ELFN2: variants seen among roughly 807,000 people sequenced by gnomAD.
The protein encoded by ELFN2 is protein phosphatase 1 regulatory subunit 29.
ELFN2 carries 17 observed loss-of-function variants against 45.5 expected under a neutral mutation model. The observed-to-expected ratio is 0.37, with a 90% CI of 0.26 to 0.56. ELFN2 has a LOEUF of 0.56. ELFN2 is among the 20% of genes least tolerant of loss of function. ELFN2 has a pLI of 0.77. For missense variants in ELFN2, 922 were observed against 1,183.2 expected (o/e 0.78, Z 3.24); for synonymous variants, 550 against 551.5 (o/e 1.00, Z 0.04).
At chr22:37,352,682 G>C (rs369074611) in intron 1 of ELFN2, among the ~76,000 whole-genome samples, 2 of 150,734 alleles carry the variant, frequency 1.3e-5, no homozygotes, top group African/African-American at 4.8e-5. Context: ...GCTGGAACAC[G>C]TGTGGTTGTT....
chr22:37,374,130 G>A lies in ELFN2; in HGVS notation c.1405C>T (p.Arg469Cys), dbSNP rs780661723. The A allele has an allele frequency of 1.6e-5, 26 of 1,612,910 alleles. No individual in the cohort carries two copies. The highest frequency in any genetic ancestry group is 3.3e-5 in the South Asian group (3 of 91,084). The change falls in exon 3 of 3, where the codon CGC (arginine) becomes TGC (cysteine). Residue 469 changes from arginine to cysteine, a missense_variant. Arg to Cys is a radical substitution (Grantham distance 180). Transcript: ENST00000402918. The stretch of plus-strand genomic sequence containing the variant: ...ATCATGGAGGGGATGGAGGCCATGC[G>A]AGATACGGGCAGCACGGGAGGCTCG... The part of the protein sequence containing the change: ...LGEPPVLPVS[R>C]MASIPSMIGE...
intron 2 of ELFN2, among the ~76,000 whole-genome samples, chr22:37,405,961 A>T (rs1235357320): frequency 6.6e-6 from 1 of 152,004 alleles, no homozygotes; most frequent in African/African-American, 2.4e-5. Flanking sequence ...ACATAGTAAG[A>T]CCCTGTCTCC....
chr22:37,378,486 G>A (rs1931645782), intron 2 of ELFN2, among the ~76,000 whole-genome samples: 1 of 152,222 alleles, frequency 6.6e-6, no homozygotes, highest in Admixed American at 6.5e-5. Flanking sequence ...GAGGGGCATG[G>A]GAGAAGAGGC....
rs563498991 is a variant in ELFN2 at position 37,349,663 on chromosome 22, G to A, written n.149-6960C>T. Among the ~76,000 whole-genome samples the A allele has an allele frequency of 2.0e-5, 3 of 151,050 alleles. No homozygotes were observed. The East Asian group carries it at 5.8e-4, about 29-fold the overall frequency. ...GGGTGGTGGGGTGGGGGTGCAGGTGGGGCCTTGCAGGGCACACTCATCAGC... is the reference window on the plus strand; with the variant it reads ...GGGTGGTGGGGTGGGGGTGCAGGTGAGGCCTTGCAGGGCACACTCATCAGC... On this transcript the variant is annotated intron_variant and non_coding_transcript_variant, in intron 1 of 2. Transcript: ENST00000452946.
intron 2 of ELFN2, among the ~76,000 whole-genome samples, chr22:37,393,472 G>A (rs531637840): frequency 6.6e-6 from 1 of 152,182 alleles, no homozygotes; most frequent in Non-Finnish European, 1.5e-5. Context: ...CCAAATCAGA[G>A]AGGACAACTG....
downstream of ELFN2, among the ~76,000 whole-genome samples, chr22:37,364,864 TTC>T (rs1004127336): frequency 6.6e-6 from 1 of 152,184 alleles, no homozygotes; most frequent in Non-Finnish European, 1.5e-5. Context: ...GCTTGGGCAG[TTC>T]AGCCTGAGGT....
intron 1 of ELFN2, among the ~76,000 whole-genome samples, chr22:37,425,063 C>T (rs1238535609): frequency 6.6e-6 from 1 of 152,160 alleles, no homozygotes; most frequent in Non-Finnish European, 1.5e-5. Flanking sequence ...AATCACAAAA[C>T]ACAGAAAGCA....
chr22:37,425,870 T>TACACACACAC (rs133723), intron 1 of ELFN2, among the ~76,000 whole-genome samples: 15,602 of 145,648 alleles, frequency 0.11, 912 homozygotes, highest in Middle Eastern at 0.21. Context: ...CACATACACA[T>TACACACACAC]ACACACACAC....
chr22:37,359,799 G>A (rs1168149094), intron 1 of ELFN2, among the ~76,000 whole-genome samples: 5 of 152,214 alleles, frequency 3.3e-5, no homozygotes, highest in African/African-American at 7.2e-5. Context: ...GTGAGCTGGT[G>A]GTGGAAGAAA....
At chr22:37,381,628 C>T (rs1433644196) in intron 2 of ELFN2, among the ~76,000 whole-genome samples, 1 of 152,120 alleles carries the variant, frequency 6.6e-6, no homozygotes, top group Non-Finnish European at 1.5e-5. Context: ...CCAGCACTAC[C>T]TGACGTCACT....
At chr22:37,402,522 G>T (rs902857645) in intron 2 of ELFN2, among the ~76,000 whole-genome samples, 5 of 152,164 alleles carry the variant, frequency 3.3e-5, no homozygotes, top group African/African-American at 9.7e-5. Context: ...CTCACTAGAG[G>T]CATCACTAGG....
intron 2 of ELFN2, among the ~76,000 whole-genome samples, chr22:37,405,092 T>C (rs1158635449): frequency 1.6e-5 from 2 of 122,352 alleles, no homozygotes; most frequent in African/African-American, 6.3e-5. Context: ...ACCTCAGCAT[T>C]TTTTTTTTTT....
intron 2 of ELFN2, among the ~76,000 whole-genome samples, chr22:37,391,088 C>T (rs1041603952): frequency 5.3e-5 from 8 of 152,200 alleles, no homozygotes; most frequent in African/African-American, 1.4e-4. Context: ...CACGGCCTCC[C>T]GCAAGTGGAG....
rs1357420222 is a variant in ELFN2 at position 37,408,117 on chromosome 22, T to C, written c.-463+9652A>G. On this transcript the variant is annotated intron_variant, in intron 2 of 2. Coordinates refer to ENST00000402918, the MANE Select transcript of ELFN2 (RefSeq NM_052906.5). The stretch of plus-strand genomic sequence containing the variant: ...GGGTGTGTGCATGAGAATGTCTGCA[T>C]GATCCCCCCAGGGGCTGCGGTCTAG... Among the ~76,000 whole-genome samples, 3 of 152,346 alleles carry C rather than the reference T, an allele frequency of 2.0e-5. No individual in the cohort carries two copies. In the East Asian group the frequency reaches 5.8e-4, roughly 29 times the overall value.
At chr22:37,347,683 C>CAA (rs1930730892) in intron 1 of ELFN2, among the ~76,000 whole-genome samples, 2 of 142,938 alleles carry the variant, frequency 1.4e-5, no homozygotes, top group South Asian at 4.7e-4. Context: ...CACACACACA[C>CAA]AATCAGTGGC....
exon 3 of ELFN2, chr22:37,340,764 C>T (rs1379076952): frequency 6.6e-6 from 1 of 152,266 alleles, no homozygotes; most frequent in East Asian, 1.9e-4. Flanking sequence ...TCTGGCAGCT[C>T]CTGCTGAGTG....
rs141708369 is a variant in ELFN2, at chr22:37,404,678, T to G, written c.-463+13091A>C. 4.4e-3 allele frequency among the ~76,000 whole-genome samples: 665 copies of G among 152,234 alleles called. 1 individual carries two copies. Among genetic ancestry groups the G allele is most frequent in the Non-Finnish European group, 7.1e-3 (486 of 67,996 alleles). Reference sequence around the variant, plus strand: ...CATCCCTTGCACACAGCTGTTAAGATGCTGGCCCGACAGCAGCGGCTGACA... The same window carrying G: ...CATCCCTTGCACACAGCTGTTAAGAGGCTGGCCCGACAGCAGCGGCTGACA... On this transcript the variant is annotated intron_variant, in intron 2 of 2. Coordinates refer to ENST00000402918, the MANE Select transcript of ELFN2 (RefSeq NM_052906.5).
rs554549663 is a variant in ELFN2 at position 37,392,292 on chromosome 22, T to TTTTG, written c.-462-16300_-462-16297dup. On this transcript the variant is annotated intron_variant, in intron 2 of 2. Coordinates refer to ENST00000402918, the MANE Select transcript of ELFN2 (RefSeq NM_052906.5). ...CTAGGAACCAGTTTTTTGTTGTGTT[T>TTTTG]TTTGTTTGTTTGTTTGTTGGATTCT... is the stretch of plus-strand genomic sequence containing the variant. 2.6e-3 allele frequency among the ~76,000 whole-genome samples: 392 copies of TTTTG among 151,472 alleles called. 3 individuals are homozygous for TTTTG. The highest frequency in any genetic ancestry group is 8.9e-3 in the African/African-American group (366 of 41,184).
chr22:37,422,935 CTG>C (rs2145693441), intron 1 of ELFN2, among the ~76,000 whole-genome samples: 1 of 72,550 alleles, frequency 1.4e-5, no homozygotes, highest in South Asian at 3.8e-4. Context: ...ATTGAGGAAA[CTG>C]GGCCTCGGGG....
Sources: allele counts gnomAD v4.1 joint callset (sites outside exome capture counted in the v4.1 genomes callset), GRCh38; gene constraint gnomAD v4.1.1; transcripts MANE v1.5; gene names NCBI Gene and HGNC (gene_info 2026-07-23, HGNC 2026-07-21).